The following ALCAM variants were observed in gnomAD, a reference collection of about 807,000 sequenced individuals.
ALCAM encodes CD166 antigen.
In ALCAM, 30 loss-of-function variants were observed where a neutral mutation model predicts 70.9. The ratio of observed to expected loss-of-function variants is 0.42; its 90% CI spans 0.32 to 0.57. ALCAM has a LOEUF of 0.57. ALCAM is among the 20% of genes least tolerant of loss of function. The probability of loss-of-function intolerance (pLI) is 0.11; values close to 1 mark genes in which losing one functional copy is unlikely to be tolerated. For synonymous variants in ALCAM, 249 were observed against 242.5 expected, an observed-to-expected ratio of 1.03 and a Z score of -0.25; for missense variants, 591 against 695.1, an observed-to-expected ratio of 0.85 and a Z score of 1.68.
At chr3:105,427,627 C>T (rs1936823189) in intron 1 of ALCAM, among the ~76,000 whole-genome samples, 1 of 151,838 alleles carries the variant, frequency 6.6e-6, no homozygotes, top group African/African-American at 2.4e-5. Flanking sequence ...GACAAGGGCT[C>T]TTAACCCCTG....
At chr3:105,382,433 A>C (rs538298568) in intron 1 of ALCAM, among the ~76,000 whole-genome samples, 29 of 152,114 alleles carry the variant, frequency 1.9e-4, no homozygotes, top group Non-Finnish European at 3.5e-4. Flanking sequence ...AGCATGATTT[A>C]TAGTCCTTTG....
chr3:105,397,330 T>G (rs2107364540), intron 1 of ALCAM, among the ~76,000 whole-genome samples: 1 of 152,162 alleles, frequency 6.6e-6, no homozygotes, highest in South Asian at 2.1e-4. Context: ...GTTGTACACA[T>G]GTATATATGA....
intron 1 of ALCAM, among the ~76,000 whole-genome samples, chr3:105,465,771 C>A (rs1019053630): frequency 6.6e-6 from 1 of 151,342 alleles, no homozygotes; most frequent in Non-Finnish European, 1.5e-5. Flanking sequence ...ATAAAATCTT[C>A]TTTCAAAAAA....
intron 1 of ALCAM, among the ~76,000 whole-genome samples, chr3:105,464,697 T>C (rs1414642263): frequency 6.6e-6 from 1 of 151,446 alleles, no homozygotes; most frequent in Non-Finnish European, 1.5e-5. Context: ...ACTCTGTCTT[T>C]GCAAAATTAA....
chr3:105,518,661 A>C (rs1307600519), intron 1 of ALCAM, among the ~76,000 whole-genome samples: 1 of 152,110 alleles, frequency 6.6e-6, no homozygotes, highest in Non-Finnish European at 1.5e-5. Flanking sequence ...AAACAATTTT[A>C]AAATTATAGA....
chr3:105,565,563 T>C lies in ALCAM; in HGVS notation c.1665-6289T>C, dbSNP rs910247663. Reference sequence around the variant, plus strand: ...AACTTCTGTAATTCCTATTTTACAATCCTTGCCTACTAATTTAATTATTTG... The same window carrying C: ...AACTTCTGTAATTCCTATTTTACAACCCTTGCCTACTAATTTAATTATTTG... On this transcript the variant is annotated intron_variant, in intron 14 of 15. Coordinates refer to ENST00000306107, the MANE Select transcript of ALCAM (RefSeq NM_001627.4). 2.6e-5 allele frequency among the ~76,000 whole-genome samples: 4 copies of C among 152,350 alleles called. 1 individual carries two copies. In the South Asian group the frequency reaches 6.2e-4, roughly 24 times the overall value.
chr3:105,556,292 G>T (rs751936460), intron 14 of ALCAM, among the ~76,000 whole-genome samples: 3 of 151,978 alleles, frequency 2.0e-5, no homozygotes, highest in Non-Finnish European at 4.4e-5. Context: ...AAGGTTGGTT[G>T]TATTTAAGAG....
chr3:105,563,889 T>C (rs571064613), intron 14 of ALCAM, among the ~76,000 whole-genome samples: 2 of 149,734 alleles, frequency 1.3e-5, no homozygotes, highest in African/African-American at 4.9e-5. Context: ...GGGTTTCACC[T>C]TGTTAGCCAG....
intron 14 of ALCAM, among the ~76,000 whole-genome samples, chr3:105,554,909 T>C (rs951270809): frequency 4.0e-5 from 6 of 151,604 alleles, no homozygotes. Flanking sequence ...ACAATGAAAA[T>C]AAAATTTCCC....
intron 1 of ALCAM, among the ~76,000 whole-genome samples, chr3:105,375,023 C>T (rs74921489): frequency 6.6e-6 from 1 of 152,316 alleles, no homozygotes; most frequent in African/African-American, 2.4e-5. Context: ...TTGAAACCTA[C>T]ACATTGAACC....
intron 1 of ALCAM, among the ~76,000 whole-genome samples, chr3:105,438,494 C>A (rs55675903): frequency 6.6e-6 from 1 of 151,788 alleles, no homozygotes; most frequent in African/African-American, 2.4e-5. Flanking sequence ...AGGATTTAAT[C>A]GATAAATGTT....
chr3:105,504,919 A>G (rs9843918), intron 1 of ALCAM, among the ~76,000 whole-genome samples: 4 of 151,960 alleles, frequency 2.6e-5, no homozygotes, highest in Non-Finnish European at 5.9e-5. Context: ...GCTCTTCCCT[A>G]CCCAGCACTT....
At chr3:105,503,522 C>T (rs922080804) in intron 1 of ALCAM, among the ~76,000 whole-genome samples, 7 of 152,106 alleles carry the variant, frequency 4.6e-5, no homozygotes, top group African/African-American at 1.7e-4. Flanking sequence ...GAGTACATAA[C>T]CTAAACACTT....
intron 1 of ALCAM, among the ~76,000 whole-genome samples, chr3:105,432,099 G>A (rs764537381): frequency 1.3e-5 from 2 of 152,104 alleles, no homozygotes; most frequent in Non-Finnish European, 2.9e-5. Context: ...TCTATTCTTA[G>A]AGAATATTCA....
chr3:105,429,861 C>T (rs1936883826), intron 1 of ALCAM, among the ~76,000 whole-genome samples: 1 of 151,814 alleles, frequency 6.6e-6, no homozygotes, highest in South Asian at 2.1e-4. Flanking sequence ...TGTTAAAATT[C>T]ATTTCTATAT....
intron 1 of ALCAM, among the ~76,000 whole-genome samples, chr3:105,417,600 A>T (rs1266669957): frequency 6.6e-6 from 1 of 151,646 alleles, no homozygotes; most frequent in African/African-American, 2.4e-5. Flanking sequence ...TGTTTCTTTG[A>T]TTTTGTTTTG....
At chr3:105,423,184 A>G (rs1936711316) in intron 1 of ALCAM, among the ~76,000 whole-genome samples, 1 of 151,442 alleles carries the variant, frequency 6.6e-6, no homozygotes, top group Admixed American at 6.6e-5. Context: ...ACATTATATT[A>G]TAATGTCTTT....
At position 105,381,186 on chromosome 3, in the gene ALCAM, T is replaced by G. The variant is rs551420953; in HGVS notation, c.73+13705T>G. ...CAGTGTGGTTGTCAGTAGTAAGCTC[T>G]TAAGAGGTGTTAGTATTATTCAAGT... On this transcript the variant is annotated intron_variant, in intron 1 of 15. Transcript: ENST00000306107. Among the ~76,000 whole-genome samples, 288 of 152,082 alleles carry G rather than the reference T, an allele frequency of 1.9e-3. 1 individual carries two copies. Among genetic ancestry groups the G allele is most frequent in the African/African-American group, 6.6e-3 (273 of 41,536 alleles).
intron 9 of ALCAM, among the ~76,000 whole-genome samples, chr3:105,546,623 TG>T (rs1940253672): frequency 6.6e-6 from 1 of 151,506 alleles, no homozygotes; most frequent in African/African-American, 2.4e-5. Context: ...AAGTTTACTG[TG>T]GTTTAAACTG....
Sources: allele counts gnomAD v4.1 joint callset (sites outside exome capture counted in the v4.1 genomes callset), GRCh38; gene constraint gnomAD v4.1.1; transcripts MANE v1.5; gene names NCBI Gene and HGNC (gene_info 2026-07-23, HGNC 2026-07-21).